The following QKI variants were observed in gnomAD, a reference collection of about 807,000 sequenced individuals.
The protein encoded by QKI is QKI, KH domain containing RNA binding, also known as KH domain-containing RNA-binding protein QKI.
QKI carries 10 observed loss-of-function variants against 39.0 expected under a neutral mutation model. The observed-to-expected ratio is 0.26, with a 90% CI of 0.16 to 0.43. The LOEUF is 0.43. QKI is among the 20% of genes least tolerant of loss of function. QKI has a pLI of 1.00. For synonymous variants in QKI, 204 were observed against 155.4 expected, an observed-to-expected ratio of 1.31 and a Z score of -2.33; for missense variants, 218 against 428.0, an observed-to-expected ratio of 0.51 and a Z score of 4.33.
chr6:163,537,980 C>G (rs1781300951), intron 4 of QKI, among the ~76,000 whole-genome samples: 1 of 152,190 alleles, frequency 6.6e-6, no homozygotes, highest in Non-Finnish European at 1.5e-5. Context: ...GCTTACCTTT[C>G]AGGTTTCATT....
chr6:163,419,354 A>G (rs1021957421), intron 1 of QKI, among the ~76,000 whole-genome samples: 6 of 151,904 alleles, frequency 3.9e-5, no homozygotes, highest in Non-Finnish European at 8.8e-5. Flanking sequence ...CTTAAGAATT[A>G]TATGGTGGTT....
intron 3 of QKI, among the ~76,000 whole-genome samples, chr6:163,486,577 A>G (rs2745365): frequency 0.66 from 99,938 of 152,040 alleles, 33,868 homozygotes; most frequent in East Asian, 1. Flanking sequence ...TCTTAGCTCT[A>G]TTTGTTATGC....
chr6:163,549,293 G>A (rs1782082463), intron 4 of QKI, among the ~76,000 whole-genome samples: 1 of 152,206 alleles, frequency 6.6e-6, no homozygotes, highest in Admixed American at 6.5e-5. Context: ...GGATATGCAG[G>A]AAGTATGGAC....
At chr6:163,546,255 ATCACT>A (rs1781867348) in intron 4 of QKI, among the ~76,000 whole-genome samples, 1 of 151,842 alleles carries the variant, frequency 6.6e-6, no homozygotes, top group African/African-American at 2.4e-5. Flanking sequence ...ATTTTCATAC[ATCACT>A]TTAATTTGTT....
chr6:163,566,367 A>G (rs778893779), intron 6 of QKI: 59 of 1,204,804 alleles, frequency 4.9e-5, no homozygotes, highest in Admixed American at 4.2e-4. Flanking sequence ...TGTATTAAAC[A>G]TGGCGTTATT....
intron 1 of QKI, among the ~76,000 whole-genome samples, chr6:163,449,835 A>C (rs536785921): frequency 6.6e-6 from 1 of 152,264 alleles, no homozygotes; most frequent in South Asian, 2.1e-4. Flanking sequence ...ATATTTTATG[A>C]AATGACTGCT....
chr6:163,566,827 G>T, intron 7 of QKI, 32 bp downstream of exon 7: 1 of 1,609,676 alleles, frequency 6.2e-7, no homozygotes, highest in Non-Finnish European at 8.5e-7. Context: ...TTGTCTATAA[G>T]AAATGCGTTG....
intron 2 of QKI, among the ~76,000 whole-genome samples, chr6:163,477,792 A>G (rs1044688859): frequency 4.3e-4 from 66 of 152,346 alleles, no homozygotes; most frequent in African/African-American, 1.5e-3. Flanking sequence ...CCAGTGGAGT[A>G]CAGATGATAC....
chr6:163,535,441 C>T (rs1250522091), intron 4 of QKI, among the ~76,000 whole-genome samples: 1 of 151,940 alleles, frequency 6.6e-6, no homozygotes, highest in Non-Finnish European at 1.5e-5. Context: ...CTTCCCTCTG[C>T]CCCCCTTCCT....
chr6:163,494,478 G>A (rs1304379362), intron 3 of QKI, among the ~76,000 whole-genome samples: 2 of 152,140 alleles, frequency 1.3e-5, no homozygotes, highest in South Asian at 2.1e-4. Context: ...CATTACTGGC[G>A]ACACTTTCAC....
At chr6:163,567,258 C>A in intron 7 of QKI, 1 of 987,214 alleles carries the variant, frequency 1.0e-6, no homozygotes, top group South Asian at 4.7e-5. Flanking sequence ...TTCCATTTTT[C>A]TTTATAATAA....
intron 1 of QKI, among the ~76,000 whole-genome samples, chr6:163,448,574 A>T (rs541135118): frequency 1.8e-3 from 277 of 152,128 alleles, no homozygotes; most frequent in African/African-American, 5.4e-3. Flanking sequence ...CTAAAAAAAA[A>T]AATAATAATA....
intron 3 of QKI, among the ~76,000 whole-genome samples, chr6:163,518,901 T>TA (rs1055810633): frequency 6.6e-6 from 1 of 152,094 alleles, no homozygotes; most frequent in African/African-American, 2.4e-5. Flanking sequence ...GAGGTAAGCC[T>TA]AGGAGGCACA....
intron 4 of QKI, among the ~76,000 whole-genome samples, chr6:163,552,119 AAAG>A (rs1342965670): frequency 3.3e-5 from 5 of 152,204 alleles, no homozygotes; most frequent in African/African-American, 1.2e-4. Context: ...AAGCTACAGA[AAAG>A]AAAATGTTAT....
At chr6:163,465,949 C>T (rs977363979) in intron 2 of QKI, among the ~76,000 whole-genome samples, 7 of 151,710 alleles carry the variant, frequency 4.6e-5, no homozygotes, top group Non-Finnish European at 8.8e-5. Context: ...CATGGTGAAA[C>T]CCTGTCTCTA....
Position 163,554,178 on chromosome 6 carries a change from A to G in QKI, c.547-7804A>G, listed in dbSNP as rs1583212403. On this transcript the variant is annotated intron_variant, in intron 4 of 7. Transcript: ENST00000361752. Reference sequence around the variant, plus strand: ...GGTGTGCATGGAGGGAAGGGGCTGCACGATGAGACTGGTTCTAGAGGTGCT... The same window carrying G: ...GGTGTGCATGGAGGGAAGGGGCTGCGCGATGAGACTGGTTCTAGAGGTGCT... Among the ~76,000 whole-genome samples the G allele has an allele frequency of 2.0e-5, 3 of 152,324 alleles. 1 individual carries two copies. The highest frequency in any genetic ancestry group is 4.1e-4 in the South Asian group (2 of 4,820).
intron 3 of QKI, among the ~76,000 whole-genome samples, chr6:163,525,947 CTA>C: frequency 6.6e-6 from 1 of 152,218 alleles, no homozygotes; most frequent in Non-Finnish European, 1.5e-5. Context: ...GTGTAAAGCC[CTA>C]TATGTTTTTT....
At chr6:163,491,765 A>G (rs1778066141) in intron 3 of QKI, among the ~76,000 whole-genome samples, 1 of 152,190 alleles carries the variant, frequency 6.6e-6, no homozygotes, top group Admixed American at 6.5e-5. Flanking sequence ...ATTTATTAAA[A>G]TTTGTGAGAC....
intron 1 of QKI, among the ~76,000 whole-genome samples, chr6:163,421,373 A>G (rs1644222590): frequency 6.6e-6 from 1 of 152,208 alleles, no homozygotes; most frequent in Non-Finnish European, 1.5e-5. Context: ...GAGAAAAACT[A>G]CCAGTGCTCA....
Sources: gnomAD v4.1 joint callset for allele counts (sites outside exome capture counted in the v4.1 genomes callset) on GRCh38, gnomAD v4.1.1 for gene constraint, MANE v1.5 for transcripts, NCBI Gene and HGNC (gene_info 2026-07-23, HGNC 2026-07-21) for gene names.